Variants in POLI observed in about 807,000 individuals in gnomAD.
POLI encodes DNA polymerase iota, also known as RAD30 homolog B.
Under a neutral mutation model 51.6 loss-of-function variants are expected in POLI, and 58 were observed. The ratio of observed to expected loss-of-function variants is 1.12; its 90% CI spans 0.91 to 1.40. POLI has a LOEUF of 1.40. Ranked by LOEUF, POLI falls within the 40% of genes most tolerant of loss-of-function variation. The pLI is 0.00. For missense variants in POLI, 921 were observed against 871.3 expected (o/e 1.06, Z -0.72); for synonymous variants, 322 against 299.7 (o/e 1.07, Z -0.77).
intron 3 of POLI, among the ~76,000 whole-genome samples, chr18:54,316,996 A>G (rs534672635): frequency 6.6e-6 from 1 of 152,204 alleles, no homozygotes; most frequent in Admixed American, 6.5e-5. Flanking sequence ...GCTTTTGGTT[A>G]TACTATCTGA....
At chr18:54,285,616 T>C (rs1448886092) in intron 7 of POLI, among the ~76,000 whole-genome samples, 1 of 151,990 alleles carries the variant, frequency 6.6e-6, no homozygotes, top group African/African-American at 2.4e-5. Context: ...TATAGGTATG[T>C]AAGAAATGTA....
rs533673554 is a variant in POLI, at chr18:54,305,230, G to A, written c.334-15043G>A. 6.6e-5 allele frequency among the ~76,000 whole-genome samples: 10 copies of A among 152,304 alleles called. No homozygotes were observed. The South Asian group carries it at 1.5e-3, about 22-fold the overall frequency. On this transcript the variant is annotated intron_variant, in intron 3 of 4. Coordinates refer to the POLI transcript ENST00000579823. Reference sequence around the variant, plus strand: ...AGCTTTGTTCTTTTTGCTTAGGATTGTCTTGGCTGTGTGGGCTCTTTTTTG... The same window carrying A: ...AGCTTTGTTCTTTTTGCTTAGGATTATCTTGGCTGTGTGGGCTCTTTTTTG...
At position 54,297,553 on chromosome 18, in the gene POLI, A is replaced by G. The variant is rs62091230; in HGVS notation, c.*3086A>G. 18 of 976,728 alleles carry G rather than the reference A, an allele frequency of 1.8e-5. No individual in the cohort carries two copies. The African/African-American group carries it at 2.8e-4, about 15-fold the overall frequency. 60.5% of individuals were successfully genotyped at this position (976,728 alleles called of 1,614,324 possible). Reference sequence around the variant, plus strand: ...AATTTATTTGGATTTATTTTTTGCCATCTTATTTTTTAATATATTTCTTTT... The same window carrying G: ...AATTTATTTGGATTTATTTTTTGCCGTCTTATTTTTTAATATATTTCTTTT... On this transcript the variant is annotated 3_prime_UTR_variant, in exon 10 of 10. Transcript: ENST00000579534.
At chr18:54,274,601 TTCCTA>T (rs1364083877) in intron 3 of POLI, among the ~76,000 whole-genome samples, 2 of 151,902 alleles carry the variant, frequency 1.3e-5, no homozygotes, top group Non-Finnish European at 2.9e-5. Flanking sequence ...TAGCTAAACT[TTCCTA>T]TGCTAAGGTT....
chr18:54,271,270 C>G (rs2086991351), intron 1 of POLI, 90 bp from the exon 2 acceptor site: 2 of 1,132,534 alleles, frequency 1.8e-6, no homozygotes, highest in Admixed American at 2.4e-5. Context: ...TGCATTCTTC[C>G]TTCACAGGTA....
rs961936544 is a variant in POLI at position 54,294,985 on chromosome 18, A to G, written c.*518A>G. ...TAAAATACCAAAGCAATTTATATTC[A>G]ATTAATGCTTCTTCATACACCAAGA... On this transcript the variant is annotated 3_prime_UTR_variant, in exon 10 of 10. Coordinates refer to ENST00000579534, the MANE Select transcript of POLI (RefSeq NM_007195.3). The G allele has an allele frequency of 2.0e-6, 2 of 984,940 alleles. No homozygotes were observed. The highest frequency in any genetic ancestry group is 3.5e-5 in the African/African-American group (2 of 57,246). The allele number at this position is 984,940 out of a possible 1,614,324, so 61.0% of individuals were successfully genotyped here. A position where few individuals can be genotyped will look rare whatever the true frequency, so the allele number is the denominator to read the frequency against.
At chr18:54,278,824 G>A (rs1167011986) in intron 4 of POLI, among the ~76,000 whole-genome samples, 1 of 152,208 alleles carries the variant, frequency 6.6e-6, no homozygotes, top group Non-Finnish European at 1.5e-5. Context: ...GTACTCTGCT[G>A]TTGTGTAAGA....
chr18:54,309,570 C>T (rs1398654224), intron 3 of POLI, among the ~76,000 whole-genome samples: 1 of 152,212 alleles, frequency 6.6e-6, no homozygotes, highest in Non-Finnish European at 1.5e-5. Context: ...AGTCCACTCT[C>T]AGAGCTCAAA....
downstream of POLI, among the ~76,000 whole-genome samples, chr18:54,302,083 A>G (rs2088501483): frequency 6.6e-6 from 1 of 152,212 alleles, no homozygotes; most frequent in Non-Finnish European, 1.5e-5. Flanking sequence ...TGAGTTACAT[A>G]CAGGATGATC....
intron 1 of POLI, chr18:54,270,037 G>C: frequency 9.9e-7 from 1 of 1,006,896 alleles, no homozygotes. Flanking sequence ...CAGAAGGTGG[G>C]ACCCGGATCT....
At chr18:54,284,866 A>G (rs1300521215) in intron 7 of POLI, 1 of 152,210 alleles carries the variant, frequency 6.6e-6, no homozygotes, top group African/African-American at 2.4e-5. Context: ...TGTATTTCTC[A>G]ATATTCCATA....
At chr18:54,283,852 CTG>C in intron 6 of POLI, 68 bp from the exon 7 acceptor site, 2 of 605,402 alleles carry the variant, frequency 3.3e-6, no homozygotes, top group Non-Finnish European at 5.9e-6. Context: ...ATTTATTTGA[CTG>C]TACACTGATA....
chr18:54,274,181 T>A, intron 3 of POLI, 91 bp downstream of exon 3: 1 of 595,724 alleles, frequency 1.7e-6, no homozygotes. Context: ...TAAAATAACA[T>A]AAGTCAAGAT....
At position 54,273,966 on chromosome 18, in the gene POLI, A is replaced by G; in HGVS notation, c.282A>G (p.Glu94=). Residue 94 remains glutamate (E), a synonymous_variant, in exon 3 of 10, where the codon GAA becomes GAG. Transcript: ENST00000579534. ...ATTTGGTGGTTACCTGCAACTATGA[A>G]GCTAGGAAACTTGGAGTTAAGAAAC... The part of the protein sequence containing the change: ...QKYLVVTCNY[E]ARKLGVKKLM... 3 of 1,579,638 alleles carry G rather than the reference A, an allele frequency of 1.9e-6. No individual in the cohort carries two copies. The highest frequency in any genetic ancestry group is 2.6e-6 in the Non-Finnish European group (3 of 1,162,562).
rs1421127964 is a variant in POLI, at chr18:54,277,739, T to G, written c.443T>G (p.Leu148Arg). 1 of 1,607,704 alleles carries G rather than the reference T, an allele frequency of 6.2e-7. No homozygotes were observed. The highest frequency in any genetic ancestry group is 1.7e-5 in the Admixed American group (1 of 59,614). Residue 148 changes from leucine (L) to arginine (R), a missense_variant, in exon 4 of 10, where the codon CTT (leucine) becomes CGT (arginine). Leu to Arg is a moderately radical substitution (Grantham distance 102). Transcript: ENST00000579534. The stretch of plus-strand genomic sequence containing the variant: ...GAATTTAGTCCAGTTGTTGAGAGAC[T>G]TGGATTTGATGAAAATTTTGTGGAT... ...LEEFSPVVER[L>R]GFDENFVDLT...
intron 3 of POLI, among the ~76,000 whole-genome samples, chr18:54,310,741 A>C (rs1334153695): frequency 6.6e-6 from 1 of 152,174 alleles, no homozygotes; most frequent in Non-Finnish European, 1.5e-5. Context: ...GAAAACTATA[A>C]GCTTTTTTTC....
chr18:54,304,887 G>A (rs2088555902), intron 3 of POLI, among the ~76,000 whole-genome samples: 1 of 152,164 alleles, frequency 6.6e-6, no homozygotes, highest in Non-Finnish European at 1.5e-5. Context: ...GGGTTTTTAC[G>A]GTTTTAGGTC....
At chr18:54,276,929 A>T (rs2087269394) in intron 3 of POLI, among the ~76,000 whole-genome samples, 1 of 152,232 alleles carries the variant, frequency 6.6e-6, no homozygotes, top group South Asian at 2.1e-4. Context: ...GTTTTCTCTT[A>T]TCCAGCTGGT....
intron 8 of POLI, among the ~76,000 whole-genome samples, chr18:54,289,475 T>C (rs371273172): frequency 6.6e-6 from 1 of 151,996 alleles, no homozygotes; most frequent in Admixed American, 6.6e-5. Flanking sequence ...TGGAAAAAAA[T>C]ACTTTAAATT....
Sources: gnomAD v4.1 joint callset for allele counts (sites outside exome capture counted in the v4.1 genomes callset) on GRCh38, gnomAD v4.1.1 for gene constraint, MANE v1.5 for transcripts, NCBI Gene and HGNC (gene_info 2026-07-23, HGNC 2026-07-21) for gene names.